GCNT3: variants seen among roughly 807,000 people sequenced by gnomAD.
GCNT3 encodes beta-1,3-galactosyl-O-glycosyl-glycoprotein beta-1,6-N-acetylglucosaminyltransferase 3.
For synonymous variants in GCNT3, 269 were observed against 195.2 expected (o/e 1.38, Z -3.15); for missense variants, 708 against 530.3 (o/e 1.34, Z -3.29).
At chr15:59,617,863 A>C (rs2082726767) in intron 2 of GCNT3, 1 of 163,812 alleles carries the variant, frequency 6.1e-6, no homozygotes, top group Middle Eastern at 3.0e-3. Flanking sequence ...GTGGTAAGGC[A>C]TGAGAAGAAG....
rs796202080 is a variant in GCNT3 at position 59,617,171 on chromosome 15, TTTC to T, written c.-61+293_-61+295del. On this transcript the variant is annotated intron_variant, in intron 2 of 2. Coordinates refer to ENST00000396065, the MANE Select transcript of GCNT3 (RefSeq NM_004751.3). The stretch of plus-strand genomic sequence containing the variant: ...TTTTCTTTATTTTTCTTTTGTTTTC[TTTC>T]TTTCTTTTTTTTTTTTTAAAGGGGC... Among the ~76,000 whole-genome samples the T allele has an allele frequency of 3.8e-3, 366 of 95,636 alleles. 4 individuals carry two copies. The highest frequency in any genetic ancestry group is 0.011 in the African/African-American group (346 of 31,292). The allele number at this position is 95,636 out of a possible 152,430, so 62.7% of individuals were successfully genotyped here. A position where few individuals can be genotyped will look rare whatever the true frequency, so the allele number is the denominator to read the frequency against.
Position 59,618,422 on chromosome 15 carries a change from C to T in GCNT3, c.184C>T (p.Leu62Phe). ...GAATATCTTGTATAATTTCCTGAAA[C>T]TTCCAGCAAAGAGGTCTATCAACTG... ...CRNILYNFLK[L>F]PAKRSINCSG... The change falls in exon 3 of 3, where the codon CTT (leucine) becomes TTT (phenylalanine). Residue 62 changes from leucine (L) to phenylalanine (F), a missense_variant. Transcript: ENST00000396065. 6.2e-7 allele frequency: 1 copy of T among 1,614,066 alleles called. No individual in the cohort carries two copies. Among genetic ancestry groups the T allele is most frequent in the Non-Finnish European group, 8.5e-7 (1 of 1,179,952 alleles).
In GCNT3 at chr15:59,614,691, A is replaced by G. The variant is rs113105876; in HGVS notation, c.-250-2001A>G. Among the ~76,000 whole-genome samples, 92 of 152,138 alleles carry G rather than the reference A, an allele frequency of 6.0e-4. 3 individuals are homozygous for G. The highest frequency in any genetic ancestry group is 2.0e-4 in the Admixed American group (3 of 15,278). On this transcript the variant is annotated intron_variant, in intron 1 of 2. Transcript: ENST00000396065. ...GGGTTTTAGCTGGCTTCTTTACTAC[A>G]ATCTGTTTTATCAGCAAGATTGTTA...
Position 59,619,010 on chromosome 15 carries a change from C to A in GCNT3, c.772C>A (p.Pro258Thr), listed in dbSNP as rs529041400. 2 of 1,614,144 alleles carry A rather than the reference C, an allele frequency of 1.2e-6. No homozygotes were observed. Among genetic ancestry groups the A allele is most frequent in the East Asian group, 4.5e-5 (2 of 44,894 alleles). The change falls in exon 3 of 3, where the codon CCT (proline) becomes ACT (threonine). Residue 258 changes from proline (P) to threonine (T), a missense_variant. Coordinates refer to ENST00000396065, the MANE Select transcript of GCNT3 (RefSeq NM_004751.3). The stretch of plus-strand genomic sequence containing the variant: ...GAATAGCATGGAGTCAGAGGTACCT[C>A]CTAAGCACAAAGAAACCCGCTGGAA... ...GRNSMESEVP[P>T]KHKETRWKYH... is the part of the protein sequence containing the mutation.
At position 59,619,187 on chromosome 15, in the gene GCNT3, C is replaced by G. The variant is rs968891323; in HGVS notation, c.949C>G (p.Gln317Glu). 1.2e-6 allele frequency: 2 copies of G among 1,614,024 alleles called. No homozygotes were observed. Among genetic ancestry groups the G allele is most frequent in the South Asian group, 1.1e-5 (1 of 91,070 alleles). ...TGTTTTGAAGAACCCTAAATCCCAA[C>G]AACTGATTGAATGGGTAAAAGACAC... Reference protein sequence around the residue: ...QHVLKNPKSQQLIEWVKDTYS... With the variant: ...QHVLKNPKSQELIEWVKDTYS... The change falls in exon 3 of 3, where the codon CAA becomes GAA. Residue 317 changes from glutamine (Q) to glutamate (E), a missense_variant. Transcript: ENST00000396065.
Position 59,619,128 on chromosome 15 carries a change from C to A in GCNT3, c.890C>A (p.Ala297Glu), listed in dbSNP as rs200013297. ...AATTTAACTATGTTTACAGGGAATG[C>A]GTACATTGTGGCTTCCCGAGATTTC... ...PYNLTMFTGN[A>E]YIVASRDFVQ... Residue 297 changes from alanine to glutamate, a missense_variant, in exon 3 of 3, where the codon GCG becomes GAG. Coordinates refer to ENST00000396065, the MANE Select transcript of GCNT3 (RefSeq NM_004751.3). The A allele has an allele frequency of 4.3e-6, 7 of 1,613,952 alleles. No individual in the cohort carries two copies. Among genetic ancestry groups the A allele is most frequent in the Non-Finnish European group, 5.9e-6 (7 of 1,179,962 alleles).
At position 59,616,701 on chromosome 15, in the gene GCNT3, A is replaced by G. The variant is rs1228721790; in HGVS notation, c.-241A>G. ...GCCCTCTACTTTGCAGATATTAAAG[A>G]GGAGCCTGAAACTGTTCCTTGGACA... On this transcript the variant is annotated 5_prime_UTR_variant, in exon 2 of 3. Transcript: ENST00000396065. 1.3e-5 allele frequency: 2 copies of G among 152,226 alleles called. No individual in the cohort carries two copies. The highest frequency in any genetic ancestry group is 2.4e-5 in the African/African-American group (1 of 41,472). The allele number at this position is 152,226 out of a possible 1,614,324, so 9.4% of individuals were successfully genotyped here.
At chr15:59,613,563 AATAAATAAAT>A (rs1254098301) in intron 1 of GCNT3, among the ~76,000 whole-genome samples, 1 of 149,354 alleles carries the variant, frequency 6.7e-6, no homozygotes, top group Admixed American at 6.6e-5. Flanking sequence ...TAAATAAATA[AATAAATAAAT>A]AAATAAAAAT....
chr15:59,613,577 T>TAAAA (rs869113538), intron 1 of GCNT3, among the ~76,000 whole-genome samples: 43 of 115,556 alleles, frequency 3.7e-4, no homozygotes, highest in African/African-American at 1.2e-3. Flanking sequence ...AATAAATAAA[T>TAAAA]AAAAATAAAA....
At chr15:59,612,515 C>G (rs2082700777) in intron 1 of GCNT3, among the ~76,000 whole-genome samples, 2 of 152,200 alleles carry the variant, frequency 1.3e-5, no homozygotes, top group African/African-American at 4.8e-5. Flanking sequence ...TTGCTTTCAG[C>G]ATCATCTGGC....
At chr15:59,617,126 G>A (rs180993814) in intron 2 of GCNT3, among the ~76,000 whole-genome samples, 2 of 142,220 alleles carry the variant, frequency 1.4e-5, no homozygotes, top group Admixed American at 1.4e-4. Flanking sequence ...ATTCATCTTA[G>A]GATTTCAATG....
rs2082734778 is a variant in GCNT3 at position 59,619,111 on chromosome 15, T to C, written c.873T>C (p.Thr291=). 1 of 1,614,138 alleles carries C rather than the reference T, an allele frequency of 6.2e-7. No individual in the cohort carries two copies. The highest frequency in any genetic ancestry group is 1.3e-5 in the African/African-American group (1 of 75,050). Residue 291 remains threonine (T), a synonymous_variant, in exon 3 of 3, where the codon ACT becomes ACC. Coordinates refer to ENST00000396065, the MANE Select transcript of GCNT3 (RefSeq NM_004751.3). ...AGGATCCTCCCCCTTATAATTTAAC[T>C]ATGTTTACAGGGAATGCGTACATTG... ...KKKDPPPYNL[T]MFTGNAYIVA...
At position 59,619,389 on chromosome 15, in the gene GCNT3, G is replaced by A; in HGVS notation, c.1151G>A (p.Gly384Glu). ...GGTGCTCCTTATGCTCCCTGCTCTG[G>A]AATCCACCAGCGGGCTATCTGCGTT... ...DKGAPYAPCS[G>E]IHQRAICVYG... The change falls in exon 3 of 3, where the codon GGA becomes GAA. Residue 384 changes from glycine to glutamate, a missense_variant. Coordinates refer to ENST00000396065, the MANE Select transcript of GCNT3 (RefSeq NM_004751.3). 1 of 1,614,122 alleles carries A rather than the reference G, an allele frequency of 6.2e-7. No homozygotes were observed. Among genetic ancestry groups the A allele is most frequent in the Non-Finnish European group, 8.5e-7 (1 of 1,180,024 alleles).
intron 1 of GCNT3, among the ~76,000 whole-genome samples, chr15:59,614,095 T>C (rs2082708730): frequency 1.3e-5 from 2 of 152,194 alleles, no homozygotes; most frequent in Non-Finnish European, 1.5e-5. Flanking sequence ...GCAGTTTTTA[T>C]GGGAATGAAG....
intron 1 of GCNT3, among the ~76,000 whole-genome samples, chr15:59,612,318 G>A (rs1469014976): frequency 6.6e-6 from 1 of 152,230 alleles, no homozygotes; most frequent in South Asian, 2.1e-4. Flanking sequence ...TGAGGAGTCT[G>A]AGTGGGAAGA....
At chr15:59,616,306 A>C (rs535910679) in intron 1 of GCNT3, 15 of 152,228 alleles carry the variant, frequency 9.9e-5, no homozygotes, top group Non-Finnish European at 1.9e-4. Flanking sequence ...TAACAAAAGA[A>C]AAATCCTTGA....
In GCNT3 at chr15:59,618,731, G is replaced by A; in HGVS notation, c.493G>A (p.Asp165Asn). The A allele has an allele frequency of 6.2e-7, 1 of 1,614,172 alleles. No homozygotes were observed. The highest frequency in any genetic ancestry group is 1.1e-5 in the South Asian group (1 of 91,078). Residue 165 changes from aspartate (D) to asparagine (N), a missense_variant, in exon 3 of 3, where the codon GAT becomes AAT. Transcript: ENST00000396065. The part of the protein sequence containing the change: ...APQNIYCVHV[D>N]EKSPETFKEA... Reference sequence around the variant, plus strand: ...TCAGAACATATACTGTGTCCATGTGGATGAGAAGTCCCCAGAAACTTTCAA... The same window carrying A: ...TCAGAACATATACTGTGTCCATGTGAATGAGAAGTCCCCAGAAACTTTCAA...
At chr15:59,616,451 T>G (rs2082720123) in intron 1 of GCNT3, 1 of 152,230 alleles carries the variant, frequency 6.6e-6, no homozygotes, top group South Asian at 2.1e-4. Flanking sequence ...TTCAAGTTCT[T>G]GCGTGAGCAC....
At chr15:59,614,780 G>T (rs1335001677) in intron 1 of GCNT3, among the ~76,000 whole-genome samples, 1 of 152,114 alleles carries the variant, frequency 6.6e-6, no homozygotes, top group Non-Finnish European at 1.5e-5. Flanking sequence ...TTAACCATCT[G>T]CTAATGCAGC....
Sources: gnomAD v4.1 joint callset for allele counts (sites outside exome capture counted in the v4.1 genomes callset) on GRCh38, gnomAD v4.1.1 for gene constraint, MANE v1.5 for transcripts, NCBI Gene and HGNC (gene_info 2026-07-23, HGNC 2026-07-21) for gene names.